The following SLC12A8 variants were observed in gnomAD, a reference collection of about 807,000 sequenced individuals.
SLC12A8 encodes the protein solute carrier family 12 member 8.
A neutral mutation model predicts 75.6 loss-of-function variants in SLC12A8; 69 were observed. That is an observed-to-expected ratio of 0.91 (90% confidence interval 0.75 to 1.11). The LOEUF (loss-of-function observed/expected upper bound fraction) is 1.11. Ranked by LOEUF, SLC12A8 falls within the 50% of genes most tolerant of loss-of-function variation. The pLI is 0.00. For missense variants in SLC12A8, 877 were observed against 896.7 expected (o/e 0.98, Z 0.28); for synonymous variants, 365 against 372.8 (o/e 0.98, Z 0.24).
At chr3:125,114,034 G>A (rs923858636) in intron 8 of SLC12A8, among the ~76,000 whole-genome samples, 7 of 152,116 alleles carry the variant, frequency 4.6e-5, no homozygotes, top group South Asian at 2.1e-4. Context: ...TAATAAGGCC[G>A]AGTCTCAACA....
At chr3:125,091,658 C>T in intron 11 of SLC12A8, 102 bp from the exon 12 acceptor site, 1 of 767,214 alleles carries the variant, frequency 1.3e-6, no homozygotes. Flanking sequence ...CTCTCATCAA[C>T]TTCTGATCAC....
chr3:125,207,679 G>T (rs1301219911), intron 2 of SLC12A8, among the ~76,000 whole-genome samples: 1 of 152,148 alleles, frequency 6.6e-6, no homozygotes, highest in Non-Finnish European at 1.5e-5. Context: ...GCTTTCTCCT[G>T]CCAACGCAGT....
At chr3:125,139,823 G>C (rs535031141) in intron 5 of SLC12A8, among the ~76,000 whole-genome samples, 1 of 152,192 alleles carries the variant, frequency 6.6e-6, no homozygotes, top group African/African-American at 2.4e-5. Flanking sequence ...CAGAACAAAG[G>C]TTCCTAATTC....
At chr3:125,204,489 G>GAT (rs1935188930) in intron 2 of SLC12A8, among the ~76,000 whole-genome samples, 1 of 152,160 alleles carries the variant, frequency 6.6e-6, no homozygotes, top group South Asian at 2.1e-4. Context: ...CAGAAAGACA[G>GAT]ATATCACATG....
chr3:125,122,573 G>C (rs1933091919), intron 6 of SLC12A8, among the ~76,000 whole-genome samples: 1 of 152,182 alleles, frequency 6.6e-6, no homozygotes, highest in African/African-American at 2.4e-5. Context: ...AAAAGAGAAG[G>C]AAAGAAAGCC....
intron 6 of SLC12A8, among the ~76,000 whole-genome samples, chr3:125,126,269 C>T (rs527728345): frequency 8.4e-4 from 128 of 152,292 alleles, no homozygotes; most frequent in African/African-American, 3.0e-3. Flanking sequence ...GAGTGGCATC[C>T]GTAGCCACCT....
chr3:125,208,988 A>T (rs1171400034), intron 2 of SLC12A8, among the ~76,000 whole-genome samples: 1 of 151,992 alleles, frequency 6.6e-6, no homozygotes, highest in Non-Finnish European at 1.5e-5. Context: ...GTGGCATGAC[A>T]CCCACTAGCC....
intron 2 of SLC12A8, 125 bp downstream of exon 2, chr3:125,211,174 C>T: frequency 1.2e-6 from 1 of 812,630 alleles, no homozygotes; most frequent in Non-Finnish European, 2.1e-6. Context: ...AACTGGATGA[C>T]CAAAATAGAC....
chr3:125,129,496 C>T (rs1236624293), intron 6 of SLC12A8, among the ~76,000 whole-genome samples: 1 of 145,044 alleles, frequency 6.9e-6, no homozygotes, highest in African/African-American at 2.6e-5. Flanking sequence ...GGACAGCTTC[C>T]TAAATCCAGA....
At chr3:125,112,638 C>T (rs1329208366) in intron 8 of SLC12A8, among the ~76,000 whole-genome samples, 1 of 152,196 alleles carries the variant, frequency 6.6e-6, no homozygotes, top group Admixed American at 6.5e-5. Context: ...ATTATCAATC[C>T]TCAATCCATT....
chr3:125,205,141 G>T lies in SLC12A8; in HGVS notation c.51+6158C>A, dbSNP rs114871160. ...CCCACTAGAATTGTTCAAACTGCCA[G>T]TCCTAAGCTGTCCACCGTGCCCTGC... is the stretch of plus-strand genomic sequence containing the variant. On this transcript the variant is annotated intron_variant, in intron 2 of 13. Transcript: ENST00000469902. Among the ~76,000 whole-genome samples, 810 of 152,220 alleles carry T rather than the reference G, an allele frequency of 5.3e-3. 5 individuals carry two copies. The highest frequency in any genetic ancestry group is 0.019 in the African/African-American group (775 of 41,534).
intron 5 of SLC12A8, among the ~76,000 whole-genome samples, chr3:125,148,933 C>G (rs1019055507): frequency 6.6e-6 from 1 of 152,044 alleles, no homozygotes; most frequent in East Asian, 1.9e-4. Context: ...CCAGGGGACA[C>G]CTGCCACGTG....
At chr3:125,148,257 T>A (rs1292489452) in intron 5 of SLC12A8, among the ~76,000 whole-genome samples, 1 of 152,214 alleles carries the variant, frequency 6.6e-6, no homozygotes, top group Non-Finnish European at 1.5e-5. Flanking sequence ...GGGAGATGTC[T>A]AGAGGCTGCC....
At chr3:125,151,286 A>G (rs74558130) in intron 5 of SLC12A8, 93 of 153,710 alleles carry the variant, frequency 6.1e-4, no homozygotes, top group African/African-American at 1.5e-3. Flanking sequence ...TCTTGGCCCA[A>G]CTGTTCCTCC....
intron 5 of SLC12A8, among the ~76,000 whole-genome samples, chr3:125,147,322 G>A (rs1032238627): frequency 3.3e-5 from 5 of 152,210 alleles, no homozygotes; most frequent in African/African-American, 1.2e-4. Context: ...CATATCACCT[G>A]ACCTTGCAGC....
rs1400373310 is a variant in SLC12A8, at chr3:125,083,900, G to C, written c.2135C>G (p.Pro712Arg). The change falls in exon 14 of 14, where the codon CCT becomes CGT. Residue 712 changes from proline (P) to arginine (R), a missense_variant. By Grantham distance (103) the Pro-to-Arg change is moderately radical. Coordinates refer to ENST00000469902, the MANE Select transcript of SLC12A8 (RefSeq NM_024628.6). ...SSLVNREQLM[P>R]HY is the part of the protein sequence containing the mutation. ...GTCCCAGCACTGCATCTAGTAGTGAGGCATCAGCTGCTCCCGGTTCACGAG... is the reference window on the plus strand; with the variant it reads ...GTCCCAGCACTGCATCTAGTAGTGACGCATCAGCTGCTCCCGGTTCACGAG... The C allele has an allele frequency of 1.1e-5, 17 of 1,612,730 alleles. No individual in the cohort carries two copies. The highest frequency in any genetic ancestry group is 1.3e-5 in the African/African-American group (1 of 75,014).
Position 125,107,708 on chromosome 3 carries a change from C to G in SLC12A8, c.1478G>C (p.Ser493Thr). The part of the protein sequence containing the change: ...NRTPESQKRK[S>T]KKATKQTLQD... ...TAGGGTCTGCTTGGTGGCCTTCTTGCTTTTCCTCTTCTGACTTTCTGGGGT... is the reference window on the plus strand; with the variant it reads ...TAGGGTCTGCTTGGTGGCCTTCTTGGTTTTCCTCTTCTGACTTTCTGGGGT... The change falls in exon 10 of 14, where the codon AGC becomes ACC. Residue 493 changes from serine to threonine, a missense_variant. Ser to Thr is a moderately conservative substitution (Grantham distance 58). Coordinates refer to ENST00000469902, the MANE Select transcript of SLC12A8 (RefSeq NM_024628.6). 6.2e-7 allele frequency: 1 copy of G among 1,614,154 alleles called. No individual in the cohort carries two copies. Among genetic ancestry groups the G allele is most frequent in the Non-Finnish European group, 8.5e-7 (1 of 1,180,028 alleles).
Position 125,177,935 on chromosome 3 carries a change from A to C in SLC12A8, c.430T>G (p.Ser144Ala), listed in dbSNP as rs1385212635. ...CCGAGGCCCAGCAAATCCGAGATGGATTCAGCAAAGCCGGTGATATACATG... is the reference window on the plus strand; with the variant it reads ...CCGAGGCCCAGCAAATCCGAGATGGCTTCAGCAAAGCCGGTGATATACATG... Reference protein sequence around the residue: ...GAMYITGFAESISDLLGLGNI... With the variant: ...GAMYITGFAEAISDLLGLGNI... The change falls in exon 5 of 14, where the codon TCC (serine) becomes GCC (alanine). Residue 144 changes from serine (S) to alanine (A), a missense_variant. By Grantham distance (99) the Ser-to-Ala change is moderately conservative (BLOSUM62 1). Transcript: ENST00000469902. 4 of 1,614,012 alleles carry C rather than the reference A, an allele frequency of 2.5e-6. No homozygotes were observed. The highest frequency in any genetic ancestry group is 3.4e-6 in the Non-Finnish European group (4 of 1,179,968).
intron 5 of SLC12A8, among the ~76,000 whole-genome samples, chr3:125,167,978 C>T (rs1708337): frequency 0.82 from 124,727 of 152,192 alleles, 51,181 homozygotes; most frequent in African/African-American, 0.83. Flanking sequence ...ACTGATGCTG[C>T]TTAAGCTGGA....
Sources: allele counts gnomAD v4.1 joint callset (sites outside exome capture counted in the v4.1 genomes callset), GRCh38; gene constraint gnomAD v4.1.1; transcripts MANE v1.5; gene names NCBI Gene and HGNC (gene_info 2026-07-23, HGNC 2026-07-21).